The following ZFP1 variants were observed in gnomAD, a reference collection of about 807,000 sequenced individuals.
ZFP1 encodes the protein ZFP1 zinc finger protein, also known as zinc finger protein 1 homolog.
ZFP1 carries 32 observed loss-of-function variants against 38.5 expected under a neutral mutation model. The ratio of observed to expected loss-of-function variants is 0.83; its 90% CI spans 0.63 to 1.12. The LOEUF is 1.12. Ranked by LOEUF, ZFP1 falls within the 50% of genes most tolerant of loss-of-function variation. The pLI, the probability that ZFP1 is intolerant of heterozygous loss-of-function variation, is 0.00. For missense variants in ZFP1, 616 were observed against 480.8 expected, an observed-to-expected ratio of 1.28 and a Z score of -2.63; for synonymous variants, 245 against 168.8, an observed-to-expected ratio of 1.45 and a Z score of -3.50.
chr16:75,139,392 A>AAAC, the ZFP1 span, among the ~76,000 whole-genome samples: 2 of 131,516 alleles, frequency 1.5e-5, no homozygotes, highest in South Asian at 4.2e-4. Flanking sequence ...AAAAAAAAAA[A>AAAC]AAAACACCGT....
intron 2 of ZFP1, among the ~76,000 whole-genome samples, chr16:75,158,577 G>A (rs1038935446): frequency 2.7e-5 from 4 of 148,998 alleles, no homozygotes; most frequent in Non-Finnish European, 4.5e-5. Flanking sequence ...ATAGGCGTGA[G>A]CCACCATGCC....
intron 2 of ZFP1, among the ~76,000 whole-genome samples, chr16:75,161,769 TATATA>T (rs1187259288): frequency 3.7e-5 from 1 of 26,946 alleles, no homozygotes; most frequent in African/African-American, 1.7e-4. Context: ...TATATATATA[TATATA>T]TTTTTTTTTT....
At chr16:75,123,059 A>G in the ZFP1 span, among the ~76,000 whole-genome samples, 1 of 152,320 alleles carries the variant, frequency 6.6e-6, no homozygotes, top group African/African-American at 2.4e-5. Context: ...ATTTTCCAAT[A>G]AAAATATATT....
At chr16:75,150,751 A>G (rs2037156883) in intron 1 of ZFP1, among the ~76,000 whole-genome samples, 1 of 151,900 alleles carries the variant, frequency 6.6e-6, no homozygotes, top group South Asian at 2.1e-4. Context: ...AAGGTCGAGG[A>G]TATGATGATC....
the ZFP1 span, chr16:75,119,440 G>T: frequency 6.6e-6 from 1 of 151,988 alleles, no homozygotes; most frequent in Non-Finnish European, 1.5e-5. Flanking sequence ...ACACAAGGAA[G>T]GCAAATTTTT....
intron 3 of ZFP1, among the ~76,000 whole-genome samples, chr16:75,167,626 G>T (rs1362641566): frequency 6.6e-6 from 1 of 152,006 alleles, no homozygotes; most frequent in East Asian, 1.9e-4. Context: ...TTGAGACAGG[G>T]TCTCATTCTG....
intron 1 of ZFP1, among the ~76,000 whole-genome samples, chr16:75,150,321 G>C (rs906601480): frequency 6.7e-6 from 1 of 148,316 alleles, no homozygotes; most frequent in African/African-American, 2.5e-5. Flanking sequence ...CCATTCTCCT[G>C]CCTCAGCCTC....
At chr16:75,133,903 G>C in the ZFP1 span, among the ~76,000 whole-genome samples, 2 of 151,242 alleles carry the variant, frequency 1.3e-5, no homozygotes, top group Non-Finnish European at 2.9e-5. Context: ...ACAAAAATTA[G>C]CCAGGCGTGC....
chr16:75,120,040 C>T, the ZFP1 span, among the ~76,000 whole-genome samples: 5 of 152,290 alleles, frequency 3.3e-5, no homozygotes, highest in African/African-American at 1.2e-4. Flanking sequence ...TTTGTCCTAG[C>T]TGAAATATGG....
At chr16:75,168,916 C>T (rs751510364) in intron 3 of ZFP1, among the ~76,000 whole-genome samples, 1 of 152,174 alleles carries the variant, frequency 6.6e-6, no homozygotes, top group African/African-American at 2.4e-5. Flanking sequence ...CTTAAGAACA[C>T]TGTGAATCTC....
At chr16:75,160,046 C>A (rs2037685852) in intron 2 of ZFP1, among the ~76,000 whole-genome samples, 1 of 152,100 alleles carries the variant, frequency 6.6e-6, no homozygotes, top group Non-Finnish European at 1.5e-5. Context: ...GTCTCACAGT[C>A]GATGCCACTA....
rs946394668 is a variant in ZFP1 at position 75,172,230 on chromosome 16, T to G, written c.*1896T>G. Reference sequence around the variant, plus strand: ...GTTTTTATAAAATAAAGATAAACCCTTATATATGTGTGTCTTTGTATATGA... The same window carrying G: ...GTTTTTATAAAATAAAGATAAACCCGTATATATGTGTGTCTTTGTATATGA... On this transcript the variant is annotated 3_prime_UTR_variant, in exon 4 of 4. Coordinates refer to ENST00000570010, the MANE Select transcript of ZFP1 (RefSeq NM_153688.4). The G allele has an allele frequency of 6.6e-6, 1 of 152,178 alleles. No homozygotes were observed. Among genetic ancestry groups the G allele is most frequent in the African/African-American group, 2.4e-5 (1 of 41,430 alleles). 9.4% of individuals were successfully genotyped at this position (152,178 alleles called of 1,614,324 possible). A position where few individuals can be genotyped will look rare whatever the true frequency, so the allele number is the denominator to read the frequency against.
chr16:75,152,175 G>T (rs369530450), intron 1 of ZFP1, among the ~76,000 whole-genome samples: 2 of 152,114 alleles, frequency 1.3e-5, no homozygotes, highest in African/African-American at 4.8e-5. Flanking sequence ...ATGTGTCCAT[G>T]TGTGTTTTTG....
chr16:75,164,143 T>C (rs1207236979), intron 2 of ZFP1, among the ~76,000 whole-genome samples: 1 of 152,254 alleles, frequency 6.6e-6, no homozygotes, highest in African/African-American at 2.4e-5. Flanking sequence ...CAGGCTTTGT[T>C]ACTTTGTTTA....
intron 2 of ZFP1, among the ~76,000 whole-genome samples, chr16:75,157,654 A>G (rs1259155731): frequency 6.6e-6 from 1 of 152,106 alleles, no homozygotes; most frequent in Non-Finnish European, 1.5e-5. Context: ...TAGTCATTGC[A>G]TATATGGTTA....
Position 75,170,404 on chromosome 16 carries a change from A to G in ZFP1, c.*70A>G. On this transcript the variant is annotated 3_prime_UTR_variant, in exon 4 of 4. Transcript: ENST00000570010. ...TCAAGCGGGTGAAAAACCTCATGAC[A>G]GTATTGAGGGAACATGGGAATTCAT... The G allele has an allele frequency of 1.3e-6, 2 of 1,484,754 alleles. No individual in the cohort carries two copies. Among genetic ancestry groups the G allele is most frequent in the East Asian group, 2.3e-5 (1 of 43,670 alleles). The allele number at this position is 1,484,754 out of a possible 1,614,324, so 92.0% of individuals were successfully genotyped here. A position where few individuals can be genotyped will look rare whatever the true frequency, so the allele number is the denominator to read the frequency against.
intron 2 of ZFP1, among the ~76,000 whole-genome samples, chr16:75,162,184 G>A (rs1446979640): frequency 6.6e-6 from 1 of 151,762 alleles, no homozygotes; most frequent in East Asian, 1.9e-4. Context: ...GTGTGGTGGT[G>A]CAATCTCAGC....
chr16:75,123,453 ATG>A, the ZFP1 span, among the ~76,000 whole-genome samples: 11 of 107,350 alleles, frequency 1.0e-4, no homozygotes, highest in African/African-American at 2.8e-4. Flanking sequence ...GTGTGTGTAT[ATG>A]TATATATATA....
rs376111231 is a variant in ZFP1, at chr16:75,169,252, G to C, written c.143-1G>C. ...CTTTTCATTGTGCTCTCTATTCCTA[G>C]AAGTGTGGAAGGCTGATGACCAGAT... On this transcript the variant is annotated splice_acceptor_variant, in intron 3 of 3. Coordinates refer to ENST00000570010, the MANE Select transcript of ZFP1 (RefSeq NM_153688.4). LOFTEE classifies it high-confidence loss of function. 13 of 1,602,572 alleles carry C rather than the reference G, an allele frequency of 8.1e-6. No individual in the cohort carries two copies. The East Asian group carries it at 1.1e-4, about 14-fold the overall frequency.
Sources: gnomAD v4.1 joint callset for allele counts (sites outside exome capture counted in the v4.1 genomes callset) on GRCh38, gnomAD v4.1.1 for gene constraint, MANE v1.5 for transcripts, NCBI Gene and HGNC (gene_info 2026-07-23, HGNC 2026-07-21) for gene names.